Variants in TEX9 observed in about 807,000 individuals in gnomAD.
TEX9 encodes testis-expressed protein 9.
In TEX9, 74 loss-of-function variants were observed where a neutral mutation model predicts 59.6. The observed-to-expected ratio is 1.24, with a 90% CI of 1.03 to 1.51. The LOEUF is 1.51. Among genes scored for constraint, TEX9 ranks in the 40% most tolerant of loss-of-function variants. The probability of loss-of-function intolerance (pLI) is 0.00; values close to 1 mark genes in which losing one functional copy is unlikely to be tolerated. For synonymous variants in TEX9, 186 were observed against 152.2 expected, an observed-to-expected ratio of 1.22 and a Z score of -1.64; for missense variants, 522 against 447.8, an observed-to-expected ratio of 1.17 and a Z score of -1.49.
At chr15:56,262,764 A>G (rs1393864060) in intron 1 of TEX9, among the ~76,000 whole-genome samples, 2 of 152,226 alleles carry the variant, frequency 1.3e-5, no homozygotes, top group Non-Finnish European at 2.9e-5. Context: ...ATGTTTGCTT[A>G]TATTACTTGA....
intron 12 of TEX9, among the ~76,000 whole-genome samples, chr15:56,440,062 C>T (rs563545412): frequency 6.6e-6 from 1 of 152,162 alleles, no homozygotes; most frequent in South Asian, 2.1e-4. Flanking sequence ...CAAAACCCAA[C>T]AATAAATGAA....
intron 12 of TEX9, among the ~76,000 whole-genome samples, chr15:56,433,249 G>A (rs2050646505): frequency 6.8e-6 from 1 of 147,586 alleles, no homozygotes; most frequent in African/African-American, 2.5e-5. Flanking sequence ...ACACACCAGG[G>A]CCTGTCGGGG....
chr15:56,319,800 A>T lies in TEX9; in HGVS notation c.-106-53641A>T, dbSNP rs117841280. Among the ~76,000 whole-genome samples the T allele has an allele frequency of 2.2e-3, 328 of 152,334 alleles. 2 individuals carry two copies. The highest frequency in any genetic ancestry group is 3.9e-3 in the Non-Finnish European group (266 of 68,030). On this transcript the variant is annotated intron_variant, in intron 1 of 5. Transcript: ENST00000560827. The stretch of plus-strand genomic sequence containing the variant: ...TATGGCCAAGAAAATATTGTGAATC[A>T]TATCTTTCAGATGGGGGGAAGTTGG...
intron 2 of TEX9, 140 bp from the exon 3 acceptor site, chr15:56,373,301 T>C: frequency 7.5e-6 from 5 of 665,616 alleles, no homozygotes; most frequent in Non-Finnish European, 1.2e-5. Context: ...TCTTAATGGC[T>C]GTGTTCATTT....
At chr15:56,253,034 G>C (rs1255385790) in intron 1 of TEX9, among the ~76,000 whole-genome samples, 1 of 152,100 alleles carries the variant, frequency 6.6e-6, no homozygotes, top group African/African-American at 2.4e-5. Flanking sequence ...CAGGGGATAA[G>C]GGCCCTAAAA....
At chr15:56,272,259 T>C (rs2141401476) in intron 1 of TEX9, among the ~76,000 whole-genome samples, 1 of 152,322 alleles carries the variant, frequency 6.6e-6, no homozygotes, top group Admixed American at 6.5e-5. Context: ...CTTGTACCTG[T>C]TGGTAGTTAA....
At chr15:56,373,320 GAA>G in intron 2 of TEX9, 119 bp from the exon 3 acceptor site, 1 of 800,230 alleles carries the variant, frequency 1.2e-6, no homozygotes, top group Non-Finnish European at 1.9e-6. Flanking sequence ...TTTAGAGTAA[GAA>G]TGCCATATGT....
At chr15:56,429,360 T>C (rs12439673) in intron 12 of TEX9, 25,868 of 547,308 alleles carry the variant, frequency 0.047, 825 homozygotes, top group Admixed American at 0.1. Flanking sequence ...AAAATAAGAC[T>C]TTACATATAT....
intron 1 of TEX9, among the ~76,000 whole-genome samples, chr15:56,260,883 G>C (rs1340048725): frequency 6.6e-6 from 1 of 151,876 alleles, no homozygotes; most frequent in African/African-American, 2.4e-5. Flanking sequence ...AATTTTCTTT[G>C]AGGGTAAGTT....
At chr15:56,295,256 G>A (rs1379425609) in intron 1 of TEX9, among the ~76,000 whole-genome samples, 2 of 152,092 alleles carry the variant, frequency 1.3e-5, no homozygotes, top group Non-Finnish European at 2.9e-5. Context: ...CACCTTGTAG[G>A]ATTGTTGAGA....
intron 1 of TEX9, among the ~76,000 whole-genome samples, chr15:56,251,159 A>C (rs1417397704): frequency 6.6e-6 from 1 of 151,990 alleles, no homozygotes; most frequent in Non-Finnish European, 1.5e-5. Context: ...ATGAATTTCT[A>C]TTTTTCTTCA....
chr15:56,413,474 C>T (rs1377897921), intron 10 of TEX9, among the ~76,000 whole-genome samples: 5 of 151,042 alleles, frequency 3.3e-5, no homozygotes, highest in East Asian at 1.9e-4. Flanking sequence ...CATAGATTCA[C>T]ACTGTTATAC....
intron 10 of TEX9, among the ~76,000 whole-genome samples, chr15:56,418,637 C>T (rs546225710): frequency 6.0e-5 from 9 of 151,220 alleles, no homozygotes; most frequent in African/African-American, 2.2e-4. Flanking sequence ...GGTGACAGAG[C>T]GAGACTCTGT....
chr15:56,437,831 CAGAG>C (rs1204949279), intron 12 of TEX9, among the ~76,000 whole-genome samples: 1 of 152,128 alleles, frequency 6.6e-6, no homozygotes, highest in Non-Finnish European at 1.5e-5. Context: ...AACAGACAGA[CAGAG>C]AGCCAAATCA....
At chr15:56,302,972 G>A (rs944423003) in intron 1 of TEX9, among the ~76,000 whole-genome samples, 2 of 152,176 alleles carry the variant, frequency 1.3e-5, no homozygotes, top group Non-Finnish European at 2.9e-5. Flanking sequence ...GAAAGTCATT[G>A]TATAATTATA....
At chr15:56,271,941 C>G (rs1207238397) in intron 1 of TEX9, among the ~76,000 whole-genome samples, 1 of 151,996 alleles carries the variant, frequency 6.6e-6, no homozygotes, top group Non-Finnish European at 1.5e-5. Context: ...GAGATCGAGA[C>G]CATCCCAGCT....
intron 1 of TEX9, among the ~76,000 whole-genome samples, chr15:56,307,670 G>C (rs557925810): frequency 2.6e-5 from 4 of 152,190 alleles, no homozygotes; most frequent in African/African-American, 9.6e-5. Context: ...AATCACCAAG[G>C]TCTAATTTTA....
At chr15:56,332,468 G>A (rs1175896042) in intron 1 of TEX9, among the ~76,000 whole-genome samples, 2 of 136,534 alleles carry the variant, frequency 1.5e-5, no homozygotes, top group South Asian at 5.3e-4. Context: ...GGGGACTGTC[G>A]TGGGGTGGGG....
At chr15:56,246,484 T>C (rs1242610037) in intron 1 of TEX9, among the ~76,000 whole-genome samples, 1 of 152,106 alleles carries the variant, frequency 6.6e-6, no homozygotes, top group Non-Finnish European at 1.5e-5. Flanking sequence ...AGAAATCTGA[T>C]GAAGTTACCC....
Sources: gnomAD v4.1 joint callset for allele counts (sites outside exome capture counted in the v4.1 genomes callset) on GRCh38, gnomAD v4.1.1 for gene constraint, MANE v1.5 for transcripts, NCBI Gene and HGNC (gene_info 2026-07-23, HGNC 2026-07-21) for gene names.